MYT1L: variants seen among roughly 807,000 people sequenced by gnomAD.
MYT1L encodes the protein myelin transcription factor 1-like protein.
Under a neutral mutation model 126.7 loss-of-function variants are expected in MYT1L, and 12 were observed. The observed-to-expected ratio is 0.09, with a 90% CI of 0.06 to 0.15. MYT1L has a LOEUF of 0.15. Ranked by LOEUF, MYT1L falls within the 10% of genes least tolerant of loss-of-function variation. The pLI, the probability that MYT1L is intolerant of heterozygous loss-of-function variation, is 1.00. For synonymous variants in MYT1L, 541 were observed against 604.2 expected, an observed-to-expected ratio of 0.90 and a Z score of 1.53; for missense variants, 979 against 1,585.2, an observed-to-expected ratio of 0.62 and a Z score of 6.49.
rs1454201206 is a variant in MYT1L at position 1,848,954 on chromosome 2, C to G, written c.2774+2687G>C. On this transcript the variant is annotated intron_variant, in intron 19 of 24. Coordinates refer to ENST00000647738, the MANE Select transcript of MYT1L (RefSeq NM_001303052.2). The surrounding 1 kb of genome is among the most constrained non-coding windows in gnomAD (Gnocchi z 4.8). ...CTGTCTAGGTCTCAGATTTGTCAAACACAAATCACACTTACTTTCCAACTC... is the reference window on the plus strand; with the variant it reads ...CTGTCTAGGTCTCAGATTTGTCAAAGACAAATCACACTTACTTTCCAACTC... Among the ~76,000 whole-genome samples, 1 of 152,174 alleles carries G rather than the reference C, an allele frequency of 6.6e-6. No individual in the cohort carries two copies. The highest frequency in any genetic ancestry group is 6.5e-5 in the Admixed American group (1 of 15,272).
intron 23 of MYT1L, among the ~76,000 whole-genome samples, chr2:1,796,236 C>T (rs1270140063): frequency 6.6e-6 from 1 of 152,164 alleles, no homozygotes; most frequent in Non-Finnish European, 1.5e-5. Context: ...GTTTGCCAAT[C>T]CCTGGTCTAG....
rs1338339685 is a variant in MYT1L at position 1,885,919 on chromosome 2, A to C, written c.2711+620T>G. On this transcript the variant is annotated intron_variant, in intron 18 of 24. Coordinates refer to ENST00000647738, the MANE Select transcript of MYT1L (RefSeq NM_001303052.2). ...TGAAGGAGGAAAATCTCAGTGTTGC[A>C]GTATAAATGTAGGTATTTCACCAAT... Among the ~76,000 whole-genome samples the C allele has an allele frequency of 2.0e-5, 3 of 152,198 alleles. No individual in the cohort carries two copies. In the East Asian group the frequency reaches 5.8e-4, roughly 29 times the overall value.
At chr2:2,180,658 A>T (rs1268748303) in intron 2 of MYT1L, among the ~76,000 whole-genome samples, 1 of 136,288 alleles carries the variant, frequency 7.3e-6, no homozygotes, top group Non-Finnish European at 1.6e-5. Context: ...GTACCTGTGT[A>T]TGCCTGTGTG....
At chr2:2,220,812 T>C (rs1020364299) in intron 2 of MYT1L, among the ~76,000 whole-genome samples, 1 of 152,136 alleles carries the variant, frequency 6.6e-6, no homozygotes, top group Admixed American at 6.5e-5. Context: ...TTGTAGGACA[T>C]GAGTCCCCAG....
intron 5 of MYT1L, among the ~76,000 whole-genome samples, chr2:1,995,984 A>G (rs2061802278): frequency 6.6e-6 from 1 of 152,228 alleles, no homozygotes; most frequent in Admixed American, 6.5e-5. Flanking sequence ...GATATGGAAG[A>G]GGAGAGGGGG....
chr2:2,161,575 C>T (rs2087935601), intron 3 of MYT1L, among the ~76,000 whole-genome samples: 1 of 152,192 alleles, frequency 6.6e-6, no homozygotes, highest in African/African-American at 2.4e-5. Flanking sequence ...TTTTACATAA[C>T]ATAAAGAACT....
intron 18 of MYT1L, among the ~76,000 whole-genome samples, chr2:1,861,104 C>T (rs906508404): frequency 1.3e-5 from 2 of 152,148 alleles, no homozygotes; most frequent in African/African-American, 2.4e-5. Context: ...AATCTGAGGA[C>T]CCCGAGGCCC....
At chr2:2,250,266 T>A (rs2094610941) in intron 2 of MYT1L, among the ~76,000 whole-genome samples, 1 of 152,130 alleles carries the variant, frequency 6.6e-6, no homozygotes, top group Non-Finnish European at 1.5e-5. Context: ...GGAAGCAACC[T>A]AAGTGTCCAT....
intron 3 of MYT1L, among the ~76,000 whole-genome samples, chr2:2,128,961 CAGAAGAG>C (rs2082037512): frequency 6.6e-6 from 1 of 152,144 alleles, no homozygotes; most frequent in African/African-American, 2.4e-5. Flanking sequence ...GCCAAGGAAA[CAGAAGAG>C]AGACTCTTCC....
chr2:1,956,611 TCTATCTATCTACCTAC>T (rs1266865168), intron 8 of MYT1L, among the ~76,000 whole-genome samples: 16 of 149,616 alleles, frequency 1.1e-4, no homozygotes, highest in Non-Finnish European at 1.6e-4. Context: ...TATCTATCTA[TCTATCTATCTACCTAC>T]CTACCTATCT....
chr2:1,980,856 A>G (rs765681940), intron 5 of MYT1L, among the ~76,000 whole-genome samples: 2 of 152,158 alleles, frequency 1.3e-5, no homozygotes, highest in Non-Finnish European at 2.9e-5. Context: ...CAAACTGGAT[A>G]GCAGGAGAAC....
At chr2:2,100,626 G>A (rs2077956009) in intron 3 of MYT1L, among the ~76,000 whole-genome samples, 1 of 152,100 alleles carries the variant, frequency 6.6e-6, no homozygotes, top group Non-Finnish European at 1.5e-5. Context: ...ATTTCTTTCA[G>A]TTTTGTTTTG....
At chr2:2,298,998 G>A (rs531047359) in intron 1 of MYT1L, among the ~76,000 whole-genome samples, 7 of 152,160 alleles carry the variant, frequency 4.6e-5, no homozygotes, top group Admixed American at 1.3e-4. Flanking sequence ...GACTACAGGC[G>A]TGCACCACCA....
intron 3 of MYT1L, among the ~76,000 whole-genome samples, chr2:2,140,432 C>CTTTTTTTTTTTTTTTTTTT (rs35297300): frequency 8.9e-6 from 1 of 112,972 alleles, no homozygotes; most frequent in Non-Finnish European, 1.8e-5. Context: ...CTTTCTTTTT[C>CTTTTTTTTTTTTTTTTTTT]TTTTTTTTTT....
chr2:2,039,586 GAT>G (rs1165867709), intron 4 of MYT1L, among the ~76,000 whole-genome samples: 1 of 152,174 alleles, frequency 6.6e-6, no homozygotes, highest in Non-Finnish European at 1.5e-5. Context: ...GGAAAAACAT[GAT>G]AGACGATAAA....
chr2:1,920,599 T>A (rs1268917044), intron 10 of MYT1L, among the ~76,000 whole-genome samples: 1 of 152,134 alleles, frequency 6.6e-6, no homozygotes, highest in African/African-American at 2.4e-5. Context: ...GTCTAAAACA[T>A]AAGCCTAAAA....
Position 2,044,632 on chromosome 2 carries a change from T to C in MYT1L, c.-158+9346A>G, listed in dbSNP as rs2067949459. Among the ~76,000 whole-genome samples, 3 of 152,160 alleles carry C rather than the reference T, an allele frequency of 2.0e-5. No individual in the cohort carries two copies. In the South Asian group the frequency reaches 6.2e-4, roughly 32 times the overall value. On this transcript the variant is annotated intron_variant, in intron 4 of 24. Coordinates refer to ENST00000647738, the MANE Select transcript of MYT1L (RefSeq NM_001303052.2). Reference sequence around the variant, plus strand: ...AAATGACTCTAGGTCTTTCTAAATATTTGCGTTGATAGTATAAACGGACCC... The same window carrying C: ...AAATGACTCTAGGTCTTTCTAAATACTTGCGTTGATAGTATAAACGGACCC...
At chr2:2,023,623 G>GT (rs148916846) in intron 4 of MYT1L, among the ~76,000 whole-genome samples, 11,303 of 144,388 alleles carry the variant, frequency 0.078, 482 homozygotes, top group African/African-American at 0.11. Context: ...GGCTTTTGCT[G>GT]TTTTTTTTTT....
At chr2:2,025,998 G>A (rs932793990) in intron 4 of MYT1L, among the ~76,000 whole-genome samples, 4 of 152,170 alleles carry the variant, frequency 2.6e-5, no homozygotes, top group African/African-American at 9.7e-5. Context: ...CTCCTAATCG[G>A]TGCTTCAAAG....
Sources: allele counts gnomAD v4.1 joint callset (sites outside exome capture counted in the v4.1 genomes callset), GRCh38; gene constraint gnomAD v4.1.1; non-coding constraint Gnocchi (gnomAD v3.1); transcripts MANE v1.5; gene names NCBI Gene and HGNC (gene_info 2026-07-23, HGNC 2026-07-21).